Variants in SLC4A4 observed in about 807,000 individuals in gnomAD.
The protein encoded by SLC4A4 is electrogenic sodium bicarbonate cotransporter 1.
A neutral mutation model predicts 111.5 loss-of-function variants in SLC4A4; 27 were observed. The observed-to-expected ratio is 0.24, with a 90% CI of 0.18 to 0.33. SLC4A4 has a LOEUF of 0.33. Ranked by LOEUF, SLC4A4 falls within the 10% of genes least tolerant of loss-of-function variation. The pLI is 1.00. For synonymous variants in SLC4A4, 443 were observed against 463.4 expected, an observed-to-expected ratio of 0.96 and a Z score of 0.57; for missense variants, 909 against 1,315.5, an observed-to-expected ratio of 0.69 and a Z score of 4.78.
At position 71,550,993 on chromosome 4, in the gene SLC4A4, C is replaced by T. The variant is rs535535231; in HGVS notation, c.2694+3273C>T. 7.2e-5 allele frequency among the ~76,000 whole-genome samples: 11 copies of T among 151,968 alleles called. No homozygotes were observed. In the East Asian group the frequency reaches 1.8e-3, roughly 24 times the overall value. ...ATCTAACCACTGATTCGGTACTGAA[C>T]TGTTGGGAAGCAAGAATAACTGGCG... On this transcript the variant is annotated intron_variant, in intron 20 of 25. Transcript: ENST00000264485.
intron 1 of SLC4A4, among the ~76,000 whole-genome samples, chr4:71,230,865 G>A (rs1475127792): frequency 6.6e-6 from 1 of 152,166 alleles, no homozygotes; most frequent in South Asian, 2.1e-4. Context: ...CTTCCCCTGA[G>A]CTCAGTACCG....
intron 1 of SLC4A4, among the ~76,000 whole-genome samples, chr4:71,226,519 C>T (rs1719059745): frequency 6.6e-6 from 1 of 151,964 alleles, no homozygotes; most frequent in African/African-American, 2.4e-5. Context: ...GTGTGGAGAG[C>T]TAAGATCTAA....
At position 71,339,423 on chromosome 4, in the gene SLC4A4, C is replaced by G; in HGVS notation, c.307C>G (p.Pro103Ala). ...CATCTTGGGAGAGGAGGATGACAGC[C>G]CAGCTCCCCCTCAGCTCTTCACGGA... ...RFILGEEDDS[P>A]APPQLFTELD... Residue 103 changes from proline (P) to alanine (A), a missense_variant, in exon 4 of 26, where the codon CCA becomes GCA. By Grantham distance (27) the Pro-to-Ala change is conservative. Transcript: ENST00000264485. The G allele has an allele frequency of 6.2e-7, 1 of 1,614,112 alleles. No individual in the cohort carries two copies. The highest frequency in any genetic ancestry group is 8.5e-7 in the Non-Finnish European group (1 of 1,180,022).
intron 16 of SLC4A4, among the ~76,000 whole-genome samples, chr4:71,528,651 A>AT (rs879305642): frequency 2.2e-4 from 34 of 152,062 alleles, no homozygotes; most frequent in African/African-American, 7.7e-4. Flanking sequence ...ATGTGCAAAG[A>AT]TTTTTTTTAT....
At chr4:71,445,511 C>T (rs1725144562) in intron 8 of SLC4A4, among the ~76,000 whole-genome samples, 2 of 151,990 alleles carry the variant, frequency 1.3e-5, no homozygotes, top group Admixed American at 1.3e-4. Context: ...TTATGCATTA[C>T]TGAAAAGTTA....
chr4:71,226,414 G>C (rs1719052165), intron 1 of SLC4A4, among the ~76,000 whole-genome samples: 1 of 152,148 alleles, frequency 6.6e-6, no homozygotes, highest in Non-Finnish European at 1.5e-5. Context: ...TATGTGGCAG[G>C]TCCAGGTACC....
At chr4:71,216,098 G>A (rs1479579413) in intron 1 of SLC4A4, among the ~76,000 whole-genome samples, 5 of 151,674 alleles carry the variant, frequency 3.3e-5, no homozygotes, top group South Asian at 4.2e-4. Flanking sequence ...TAGTAGAGAC[G>A]GGGTTTCACC....
intron 2 of SLC4A4, among the ~76,000 whole-genome samples, chr4:71,156,959 C>T (rs2579345): frequency 1 from 152,220 of 152,348 alleles, 76,048 homozygotes; most frequent in Non-Finnish European, 1. Flanking sequence ...AATTGAGATT[C>T]AGAATGGCAT....
intron 3 of SLC4A4, among the ~76,000 whole-genome samples, chr4:71,313,200 A>G (rs1252103968): frequency 6.6e-6 from 1 of 152,220 alleles, no homozygotes; most frequent in Non-Finnish European, 1.5e-5. Flanking sequence ...AGAATAAAAT[A>G]CCGAGGAATA....
chr4:71,191,752 T>G (rs1316678473), intron 1 of SLC4A4, among the ~76,000 whole-genome samples: 3 of 152,204 alleles, frequency 2.0e-5, no homozygotes, highest in Admixed American at 2.0e-4. Flanking sequence ...ACTTTTGTTT[T>G]TCATGTAGAA....
chr4:71,267,201 T>C (rs1272900275), intron 3 of SLC4A4, among the ~76,000 whole-genome samples: 2 of 152,166 alleles, frequency 1.3e-5, no homozygotes, highest in African/African-American at 4.8e-5. Flanking sequence ...AAAAAAATGT[T>C]AAGTTCTACC....
chr4:71,319,869 T>C (rs755657164), intron 3 of SLC4A4, among the ~76,000 whole-genome samples: 2 of 151,968 alleles, frequency 1.3e-5, no homozygotes, highest in Non-Finnish European at 2.9e-5. Context: ...ATTCTGGTCT[T>C]ATAATTCGGA....
chr4:71,253,430 A>G (rs1023550190), intron 2 of SLC4A4, among the ~76,000 whole-genome samples: 7 of 152,308 alleles, frequency 4.6e-5, no homozygotes, highest in Admixed American at 4.6e-4. Context: ...CTTAGCCGCC[A>G]TATTTAATAA....
intron 13 of SLC4A4, among the ~76,000 whole-genome samples, chr4:71,468,828 A>G (rs1727620415): frequency 6.6e-6 from 1 of 151,778 alleles, no homozygotes; most frequent in Non-Finnish European, 1.5e-5. Context: ...TTTAGCATGC[A>G]AGTGATCTGA....
chr4:71,089,054 A>T (rs1215655017), intron 1 of SLC4A4, among the ~76,000 whole-genome samples: 2 of 152,008 alleles, frequency 1.3e-5, no homozygotes, highest in Non-Finnish European at 2.9e-5. Context: ...TCAGAGGTAG[A>T]TTTGGTCTTT....
intron 16 of SLC4A4, among the ~76,000 whole-genome samples, chr4:71,500,875 G>A (rs765949738): frequency 3.9e-5 from 6 of 152,112 alleles, no homozygotes; most frequent in Non-Finnish European, 7.4e-5. Flanking sequence ...CTATAGTTTT[G>A]TAGTAGATTA....
At chr4:71,311,165 C>G (rs1193125029) in intron 3 of SLC4A4, among the ~76,000 whole-genome samples, 2 of 152,038 alleles carry the variant, frequency 1.3e-5, no homozygotes, top group Non-Finnish European at 2.9e-5. Context: ...ATATATGCAC[C>G]CAATACAGGA....
At chr4:71,346,096 T>C (rs1311086089) in intron 4 of SLC4A4, among the ~76,000 whole-genome samples, 1 of 152,108 alleles carries the variant, frequency 6.6e-6, no homozygotes. Context: ...TTTTTCTTAA[T>C]TATATTTAAT....
intron 19 of SLC4A4, 63 bp from the exon 20 acceptor site, chr4:71,547,585 A>G: frequency 1.5e-6 from 2 of 1,364,688 alleles, no homozygotes; most frequent in Non-Finnish European, 2.1e-6. Context: ...TTTGAAGGTG[A>G]AAAGACAAGA....
Sources: gnomAD v4.1 joint callset for allele counts (sites outside exome capture counted in the v4.1 genomes callset) on GRCh38, gnomAD v4.1.1 for gene constraint, MANE v1.5 for transcripts, NCBI Gene and HGNC (gene_info 2026-07-23, HGNC 2026-07-21) for gene names.